OR5P3: variants seen among roughly 807,000 people sequenced by gnomAD.
OR5P3 encodes olfactory receptor family 5 subfamily P member 3.
For synonymous variants in OR5P3, 172 were observed against 141.8 expected, an observed-to-expected ratio of 1.21 and a Z score of -1.51; for missense variants, 415 against 375.6, an observed-to-expected ratio of 1.10 and a Z score of -0.87.
rs201800455 is a variant in OR5P3 at position 7,825,150 on chromosome 11, A to G, written c.823T>C (p.Ser275Pro). The G allele has an allele frequency of 3.3e-5, 54 of 1,613,488 alleles. 3 individuals are homozygous for G. In the African/African-American group the frequency reaches 7.0e-4, roughly 21 times the overall value. The part of the protein sequence containing the change: ...SYSTDQNKVV[S>P]VFYTVVIPML... ...GGAATCACCACGGTGTAGAACACAG[A>G]CACCACCTTGTTCTGGTCAGTTGAG... Residue 275 changes from serine to proline, a missense_variant, in exon 2 of 2, where the codon TCT (serine) becomes CCT (proline). Physicochemically the swap from Ser to Pro is moderately conservative, Grantham distance 74. Coordinates refer to ENST00000641167, the MANE Select transcript of OR5P3 (RefSeq NM_153445.2).
At chr11:7,828,476 A>G (rs934591201) in intron 1 of OR5P3, among the ~76,000 whole-genome samples, 1 of 152,164 alleles carries the variant, frequency 6.6e-6, no homozygotes, top group Non-Finnish European at 1.5e-5. Flanking sequence ...AGTTGCTACA[A>G]TTTAATTGCT....
chr11:7,829,850 G>T (rs1179972602), intron 1 of OR5P3, among the ~76,000 whole-genome samples: 1 of 152,110 alleles, frequency 6.6e-6, no homozygotes, highest in African/African-American at 2.4e-5. Context: ...CATACAGAGG[G>T]AGCCAAAAGA....
Position 7,830,807 on chromosome 11 carries a change from A to T in OR5P3, c.-22+17T>A, listed in dbSNP as rs1172447569. On this transcript the variant is annotated intron_variant, in intron 1 of 1. Coordinates refer to ENST00000641167, the MANE Select transcript of OR5P3 (RefSeq NM_153445.2). ...GAAACAAACATTCCTGTATCAATAG[A>T]AAAGGGAAATTATTACCTGCAGATG... 2.6e-5 allele frequency: 4 copies of T among 152,192 alleles called. No individual in the cohort carries two copies. The highest frequency in any genetic ancestry group is 1.3e-4 in the Admixed American group (2 of 15,264). The allele number at this position is 152,192 out of a possible 1,614,324, so 9.4% of individuals were successfully genotyped here. A position where few individuals can be genotyped will look rare whatever the true frequency, so the allele number is the denominator to read the frequency against.
chr11:7,829,960 T>C (rs1242734958), intron 1 of OR5P3, among the ~76,000 whole-genome samples: 2 of 152,170 alleles, frequency 1.3e-5, no homozygotes, highest in African/African-American at 4.8e-5. Flanking sequence ...GGAAGAAAAT[T>C]AAGATAATTC....
In OR5P3 at chr11:7,824,958, T is replaced by G. The variant is rs1857712173; in HGVS notation, c.*79A>C. On this transcript the variant is annotated 3_prime_UTR_variant, in exon 2 of 2. Coordinates refer to ENST00000641167, the MANE Select transcript of OR5P3 (RefSeq NM_153445.2). ...TAATGGTCTATGGACAGATAAATTT[T>G]GACCACAAACACTCGGTGTCTTATT... The G allele has an allele frequency of 2.5e-6, 3 of 1,187,780 alleles. No individual in the cohort carries two copies. Among genetic ancestry groups the G allele is most frequent in the Non-Finnish European group, 3.4e-6 (3 of 874,674 alleles). 73.6% of individuals were successfully genotyped at this position (1,187,780 alleles called of 1,614,324 possible). A position where few individuals can be genotyped will look rare whatever the true frequency, so the allele number is the denominator to read the frequency against.
rs899948460 is a variant in OR5P3 at position 7,825,422 on chromosome 11, A to C, written c.551T>G (p.Leu184Arg). Residue 184 changes from leucine (L) to arginine (R), a missense_variant, in exon 2 of 2, where the codon CTT becomes CGT. Coordinates refer to ENST00000641167, the MANE Select transcript of OR5P3 (RefSeq NM_153445.2). ...VNHFFCDYSP[L>R]LKLACSHDFT... The stretch of plus-strand genomic sequence containing the variant: ...ATCATGGGAACAAGCAAGCTTCAAA[A>C]GTGGTGAATAGTCACAGAAAAAGTG... 2.6e-5 allele frequency: 42 copies of C among 1,613,188 alleles called. No homozygotes were observed. The Admixed American group carries it at 6.7e-4, about 26-fold the overall frequency.
At chr11:7,828,196 G>A (rs1300876877) in intron 1 of OR5P3, among the ~76,000 whole-genome samples, 1 of 152,148 alleles carries the variant, frequency 6.6e-6, no homozygotes, top group Non-Finnish European at 1.5e-5. Flanking sequence ...TGTCCTCAGG[G>A]ACAGCCAAGT....
rs544874756 is a variant in OR5P3 at position 7,825,789 on chromosome 11, A to C, written c.184T>G (p.Phe62Val). ...TCTACAAAGGCCAAATGGCAGAGGA[A>C]AATGTACATGGGTGTATGAAGATGA... ...SHHLHTPMYI[F>V]LCHLAFVDIG... is the part of the protein sequence containing the mutation. The change falls in exon 2 of 2, where the codon TTC becomes GTC. Residue 62 changes from phenylalanine to valine, a missense_variant. By Grantham distance (50) the Phe-to-Val change is conservative. Transcript: ENST00000641167. 2 of 1,613,280 alleles carry C rather than the reference A, an allele frequency of 1.2e-6. No homozygotes were observed. The highest frequency in any genetic ancestry group is 2.7e-5 in the African/African-American group (2 of 74,196).
At chr11:7,830,366 T>G (rs949836731) in intron 1 of OR5P3, among the ~76,000 whole-genome samples, 2 of 152,210 alleles carry the variant, frequency 1.3e-5, no homozygotes, top group Non-Finnish European at 2.9e-5. Context: ...AACTCTGAAG[T>G]CCTATCTTCC....
At chr11:7,826,936 T>A (rs1857749680) in intron 1 of OR5P3, among the ~76,000 whole-genome samples, 1 of 152,182 alleles carries the variant, frequency 6.6e-6, no homozygotes, top group Non-Finnish European at 1.5e-5. Context: ...ACCAACTCGC[T>A]TGAGAAAAAT....
chr11:7,826,193 A>G (rs1349418380), intron 1 of OR5P3, among the ~76,000 whole-genome samples, 200 bp from the exon 2 acceptor site: 2 of 111,072 alleles, frequency 1.8e-5, no homozygotes, highest in African/African-American at 5.7e-5. Context: ...AATACTCAGA[A>G]AAATCTTTTT....
intron 1 of OR5P3, among the ~76,000 whole-genome samples, chr11:7,829,865 C>A (rs1857788875): frequency 6.6e-6 from 1 of 152,052 alleles, no homozygotes; most frequent in South Asian, 2.1e-4. Flanking sequence ...AAAAGAGGTG[C>A]TATAGCTGAT....
chr11:7,827,096 A>C (rs902333645), intron 1 of OR5P3, among the ~76,000 whole-genome samples: 10 of 152,232 alleles, frequency 6.6e-5, no homozygotes, highest in Admixed American at 3.9e-4. Flanking sequence ...ACTTTAGATC[A>C]AATGGCTTTC....
intron 1 of OR5P3, among the ~76,000 whole-genome samples, chr11:7,828,887 A>T (rs1857777129): frequency 6.6e-6 from 1 of 152,120 alleles, no homozygotes; most frequent in African/African-American, 2.4e-5. Flanking sequence ...GGTTTCAAAA[A>T]ATTGGCTAGA....
chr11:7,828,236 G>C (rs1384720618), intron 1 of OR5P3, among the ~76,000 whole-genome samples: 1 of 152,138 alleles, frequency 6.6e-6, no homozygotes, highest in East Asian at 1.9e-4. Context: ...AAGGGAAATG[G>C]AATGTTCAAA....
At position 7,825,599 on chromosome 11, in the gene OR5P3, G is replaced by A. The variant is rs766219366; in HGVS notation, c.374C>T (p.Ala125Val). Residue 125 changes from alanine to valine, a missense_variant, in exon 2 of 2, where the codon GCC becomes GTC. Physicochemically the swap from Ala to Val is moderately conservative, Grantham distance 64. Transcript: ENST00000641167. ...AGAGTAGAGCAGGGGTGAGCAGATG[G>A]CCACATAGCGATCATAGGCCATGGC... Reference protein sequence around the residue: ...LAAMAYDRYVAICSPLLYSTC... With the variant: ...LAAMAYDRYVVICSPLLYSTC... 1.7e-5 allele frequency: 27 copies of A among 1,613,026 alleles called. No homozygotes were observed. The highest frequency in any genetic ancestry group is 1.4e-5 in the African/African-American group (1 of 73,954).
At chr11:7,829,889 G>T (rs970160481) in intron 1 of OR5P3, among the ~76,000 whole-genome samples, 1 of 152,014 alleles carries the variant, frequency 6.6e-6, no homozygotes, top group Non-Finnish European at 1.5e-5. Flanking sequence ...ATAAAAGAGG[G>T]AATTTTTATT....
rs752452303 is a variant in OR5P3 at position 7,825,860 on chromosome 11, G to A, written c.113C>T (p.Thr38Ile). 5.0e-6 allele frequency: 8 copies of A among 1,611,212 alleles called. No homozygotes were observed. In the South Asian group the frequency reaches 7.7e-5, roughly 15 times the overall value. ...FLVFLGIYVVTLMGNISIIVL... is the reference protein window; with the variant it reads ...FLVFLGIYVVILMGNISIIVL... The stretch of plus-strand genomic sequence containing the variant: ...AATTATGCTGATATTACCCATTAAG[G>A]TGACAACATAAATTCCTAGAAACAC... The change falls in exon 2 of 2, where the codon ACC becomes ATC. Residue 38 changes from threonine (T) to isoleucine (I), a missense_variant. Thr to Ile is a moderately conservative substitution (Grantham distance 89). Coordinates refer to ENST00000641167, the MANE Select transcript of OR5P3 (RefSeq NM_153445.2).
At chr11:7,826,317 T>C (rs1389173318) in intron 1 of OR5P3, among the ~76,000 whole-genome samples, 3 of 152,150 alleles carry the variant, frequency 2.0e-5, no homozygotes, top group Non-Finnish European at 2.9e-5. Context: ...CTCAATCTTC[T>C]AAGGCCAAAG....
Sources: allele counts gnomAD v4.1 joint callset (sites outside exome capture counted in the v4.1 genomes callset), GRCh38; gene constraint gnomAD v4.1.1; transcripts MANE v1.5; gene names NCBI Gene and HGNC (gene_info 2026-07-23, HGNC 2026-07-21).